The following PCDH9 variants were observed in gnomAD, a reference collection of about 807,000 sequenced individuals.
The protein encoded by PCDH9 is protocadherin 9.
In PCDH9, 24 loss-of-function variants were observed where a neutral mutation model predicts 70.6. That is an observed-to-expected ratio of 0.34 (90% CI 0.25 to 0.48). The LOEUF (loss-of-function observed/expected upper bound fraction) is 0.48, where lower values mean the gene tolerates loss of function less well. PCDH9 is among the 20% of genes least tolerant of loss of function. The pLI is 0.99. For synonymous variants in PCDH9, 562 were observed against 558.5 expected (o/e 1.01, Z -0.09); for missense variants, 1,281 against 1,503.6 (o/e 0.85, Z 2.45).
intron 2 of PCDH9, among the ~76,000 whole-genome samples, chr13:66,915,355 C>A (rs577398177): frequency 6.6e-5 from 10 of 151,568 alleles, no homozygotes; most frequent in Non-Finnish European, 1.3e-4. Flanking sequence ...TTTTATTCAA[C>A]CTTACATGAT....
intron 2 of PCDH9, among the ~76,000 whole-genome samples, chr13:66,991,405 CTA>C (rs2139798579): frequency 6.6e-6 from 1 of 151,814 alleles, no homozygotes; most frequent in Non-Finnish European, 1.5e-5. Context: ...TAACTGTCTC[CTA>C]TATATGTTAC....
In PCDH9 at chr13:66,661,077, G is replaced by A. The variant is rs189133419; in HGVS notation, c.3139-29666C>T. 4.1e-3 allele frequency among the ~76,000 whole-genome samples: 621 copies of A among 152,130 alleles called. 4 individuals are homozygous for A. The highest frequency in any genetic ancestry group is 0.015 in the African/African-American group (603 of 41,518). ...TTGGAAACAAAATAGTTAAAATAAC[G>A]AATCCCATTTTATTTTCTTTTTAAG... On this transcript the variant is annotated intron_variant, in intron 3 of 4. Transcript: ENST00000377865.
At chr13:67,170,484 A>G (rs963569540) in intron 2 of PCDH9, among the ~76,000 whole-genome samples, 1 of 152,236 alleles carries the variant, frequency 6.6e-6, no homozygotes. Flanking sequence ...GACCAGAAGT[A>G]TAAAGTAATA....
At chr13:67,028,771 T>G (rs1023962929) in intron 2 of PCDH9, among the ~76,000 whole-genome samples, 1 of 152,134 alleles carries the variant, frequency 6.6e-6, no homozygotes, top group African/African-American at 2.4e-5. Context: ...AATATCTATT[T>G]ATAATACACA....
chr13:66,563,197 A>G (rs2076602382), intron 4 of PCDH9, among the ~76,000 whole-genome samples: 1 of 152,112 alleles, frequency 6.6e-6, no homozygotes, highest in Non-Finnish European at 1.5e-5. Flanking sequence ...CTCCCTGTGT[A>G]AACCTGTCCC....
At chr13:66,720,971 C>A (rs189974109) in intron 3 of PCDH9, among the ~76,000 whole-genome samples, 99 of 152,270 alleles carry the variant, frequency 6.5e-4, no homozygotes, top group African/African-American at 2.3e-3. Flanking sequence ...GTCTGTGCAC[C>A]TACACTGAAT....
intron 3 of PCDH9, among the ~76,000 whole-genome samples, chr13:66,878,251 G>A (rs2081854848): frequency 6.6e-6 from 1 of 151,364 alleles, no homozygotes; most frequent in African/African-American, 2.4e-5. Context: ...TTTTGAGATG[G>A]AGTCTCATTC....
chr13:66,849,047 T>C (rs2081264654), intron 3 of PCDH9, among the ~76,000 whole-genome samples: 1 of 152,034 alleles, frequency 6.6e-6, no homozygotes, highest in Non-Finnish European at 1.5e-5. Flanking sequence ...TTAACAGTTC[T>C]AATAAATTAG....
chr13:66,568,609 C>T (rs34038924), intron 4 of PCDH9, among the ~76,000 whole-genome samples: 40,744 of 150,056 alleles, frequency 0.27, 5,795 homozygotes, highest in East Asian at 0.35. Context: ...AAAGTCGAAG[C>T]TGCAGTGAGC....
intron 2 of PCDH9, among the ~76,000 whole-genome samples, chr13:66,953,938 G>C (rs1021778076): frequency 6.6e-6 from 1 of 152,070 alleles, no homozygotes; most frequent in Non-Finnish European, 1.5e-5. Context: ...CTTCTAATTG[G>C]TATATAGTAG....
intron 3 of PCDH9, among the ~76,000 whole-genome samples, chr13:66,843,355 TAC>T (rs10580677): frequency 0.95 from 143,181 of 151,346 alleles, 68,207 homozygotes; most frequent in East Asian, 1. Context: ...TGCACATACA[TAC>T]ACACACACAC....
Position 66,501,794 on chromosome 13 carries a change from T to C in PCDH9, c.3340+129416A>G, listed in dbSNP as rs572511838. On this transcript the variant is annotated intron_variant, in intron 4 of 4. Transcript: ENST00000377865. Reference sequence around the variant, plus strand: ...AAAATCCCTTTACCTTTGGGGACCCTTTTTAATGTAGTATGTACATTTTAC... The same window carrying C: ...AAAATCCCTTTACCTTTGGGGACCCCTTTTAATGTAGTATGTACATTTTAC... Among the ~76,000 whole-genome samples the C allele has an allele frequency of 3.3e-5, 5 of 152,276 alleles. No individual in the cohort carries two copies. In the South Asian group the frequency reaches 1.0e-3, roughly 32 times the overall value.
At chr13:66,759,261 T>G (rs1353496953) in intron 3 of PCDH9, among the ~76,000 whole-genome samples, 3 of 151,740 alleles carry the variant, frequency 2.0e-5, no homozygotes, top group African/African-American at 7.3e-5. Context: ...CATTTTACAG[T>G]TTTTTTTACT....
At chr13:66,965,926 A>G (rs1204592848) in intron 2 of PCDH9, among the ~76,000 whole-genome samples, 2 of 152,110 alleles carry the variant, frequency 1.3e-5, no homozygotes, top group East Asian at 3.8e-4. Context: ...ATATATTAAG[A>G]GAAAAAGCCA....
intron 2 of PCDH9, among the ~76,000 whole-genome samples, chr13:67,013,453 C>CAATAATTTATTTAAT (rs1471394921): frequency 6.6e-6 from 1 of 151,814 alleles, no homozygotes. Flanking sequence ...ATTTAACCAC[C>CAATAATTTATTTAAT]TATCTGTGGT....
chr13:66,708,676 A>T (rs79688452), intron 3 of PCDH9, among the ~76,000 whole-genome samples: 1 of 152,278 alleles, frequency 6.6e-6, no homozygotes, highest in South Asian at 2.1e-4. Context: ...TGGAAGATAC[A>T]TGGCTTCCTC....
At chr13:66,725,023 C>T (rs1300905449) in intron 3 of PCDH9, among the ~76,000 whole-genome samples, 1 of 152,140 alleles carries the variant, frequency 6.6e-6, no homozygotes, top group Non-Finnish European at 1.5e-5. Context: ...TCCCAGATGG[C>T]TGACTTCCTC....
intron 2 of PCDH9, among the ~76,000 whole-genome samples, chr13:67,046,529 C>T (rs938476194): frequency 6.6e-6 from 1 of 152,088 alleles, no homozygotes. Context: ...TTGGCAAACA[C>T]AGTGTCTTTG....
intron 4 of PCDH9, among the ~76,000 whole-genome samples, chr13:66,629,317 C>A (rs2138928371): frequency 6.6e-6 from 1 of 152,326 alleles, no homozygotes; most frequent in African/African-American, 2.4e-5. Flanking sequence ...CAACCACTCA[C>A]ATACACTTAG....
Sources: allele counts gnomAD v4.1 joint callset (sites outside exome capture counted in the v4.1 genomes callset), GRCh38; gene constraint gnomAD v4.1.1; transcripts MANE v1.5; gene names NCBI Gene and HGNC (gene_info 2026-07-23, HGNC 2026-07-21).